Variants in ZNF217 observed in about 807,000 individuals in gnomAD.
The protein encoded by ZNF217 is zinc finger protein 217.
In ZNF217, 12 loss-of-function variants were observed where a neutral mutation model predicts 73.3. The ratio of observed to expected loss-of-function variants is 0.16; its 90% CI spans 0.10 to 0.27. The LOEUF (loss-of-function observed/expected upper bound fraction) is 0.27. Among genes scored for constraint, ZNF217 ranks in the 10% least tolerant of loss-of-function variants. The probability of loss-of-function intolerance (pLI) is 1.00; values close to 1 mark genes in which losing one functional copy is unlikely to be tolerated. For missense variants in ZNF217, 1,195 were observed against 1,327.8 expected (o/e 0.90, Z 1.55); for synonymous variants, 588 against 516.4 (o/e 1.14, Z -1.88).
At chr20:53,585,661 C>G (rs1337946648) in intron 1 of ZNF217, among the ~76,000 whole-genome samples, 3 of 152,114 alleles carry the variant, frequency 2.0e-5, no homozygotes, top group African/African-American at 7.2e-5. Context: ...TCTCAATTAT[C>G]TGGGTTAAAG....
intron 4 of ZNF217, chr20:53,575,438 A>C: frequency 3.4e-6 from 1 of 292,404 alleles, no homozygotes; most frequent in Non-Finnish European, 6.4e-6. Context: ...ACACCGCTGC[A>C]CTCCAATCTA....
intron 1 of ZNF217, among the ~76,000 whole-genome samples, chr20:53,592,543 C>T (rs949745248): frequency 6.8e-6 from 1 of 146,608 alleles, no homozygotes; most frequent in African/African-American, 2.5e-5. Context: ...AAGCGCCTTC[C>T]CGTCTTCGGT....
At position 53,577,297 on chromosome 20, in the gene ZNF217, C is replaced by T. The variant is rs771239656; in HGVS notation, c.1484-17G>A. 54 of 1,587,682 alleles carry T rather than the reference C, an allele frequency of 3.4e-5. No homozygotes were observed. Among genetic ancestry groups the T allele is most frequent in the Non-Finnish European group, 4.4e-5 (52 of 1,172,128 alleles). On this transcript the variant is annotated splice_polypyrimidine_tract_variant and intron_variant, in intron 3 of 5. Transcript: ENST00000371471. Reference sequence around the variant, plus strand: ...GTTTTTCACCTAAGGCAAGAAATGGCACTTTATTATAGAAGTGTATGAAAA... The same window carrying T: ...GTTTTTCACCTAAGGCAAGAAATGGTACTTTATTATAGAAGTGTATGAAAA...
Position 53,581,576 on chromosome 20 carries a change from C to T in ZNF217, c.1251G>A (p.Pro417=), listed in dbSNP as rs781317888. Residue 417 remains proline (P), a synonymous_variant, in exon 2 of 6, where the codon CCG becomes CCA. Transcript: ENST00000371471. This position sits in a 1 kb window ranked among gnomAD's most constrained non-coding sequence, Gnocchi z 4.9. ...CGGCGAGGTCAGGAGAACACGTCCC[C>T]GGCTGCCTCCCGTCCACAGACATGG... ...SPTMSVDGRQ[P]GTCSPDLAAP... 8 of 1,614,242 alleles carry T rather than the reference C, an allele frequency of 5.0e-6. No individual in the cohort carries two copies. The highest frequency in any genetic ancestry group is 2.2e-5 in the South Asian group (2 of 91,088).
At chr20:53,583,624 TTTCATATAC>T (rs1988591180) in intron 1 of ZNF217, among the ~76,000 whole-genome samples, 1 of 152,230 alleles carries the variant, frequency 6.6e-6, no homozygotes, top group African/African-American at 2.4e-5. Context: ...TTAAAATTTG[TTTCATATAC>T]AAACAAATCT....
upstream of ZNF217, among the ~76,000 whole-genome samples, chr20:53,596,129 A>T (rs1303783284): frequency 6.6e-6 from 1 of 152,104 alleles, no homozygotes; most frequent in Non-Finnish European, 1.5e-5. Context: ...GTTGCTACTG[A>T]ATTATTTTCT....
Position 53,576,836 on chromosome 20 carries a change from G to C in ZNF217, c.1928C>G (p.Thr643Ser), listed in dbSNP as rs760898329. 1.2e-6 allele frequency: 2 copies of C among 1,614,218 alleles called. No homozygotes were observed. The highest frequency in any genetic ancestry group is 2.2e-5 in the South Asian group (2 of 91,080). Residue 643 changes from threonine to serine, a missense_variant, in exon 4 of 6, where the codon ACC (threonine) becomes AGC (serine). Transcript: ENST00000371471. ...CGGAGGAGGAGTAACATCCGCCTTGGTTCTACAGATGAGGTTATTTGCCTG... is the reference window on the plus strand; with the variant it reads ...CGGAGGAGGAGTAACATCCGCCTTGCTTCTACAGATGAGGTTATTTGCCTG... ...ETQANNLICRTKADVTPPPDG... is the reference protein window; with the variant it reads ...ETQANNLICRSKADVTPPPDG...
rs1178870280 is a variant in ZNF217, at chr20:53,590,488, G to C, written c.-343+3268C>G. 3.9e-5 allele frequency among the ~76,000 whole-genome samples: 6 copies of C among 152,236 alleles called. No homozygotes were observed. In the East Asian group the frequency reaches 9.6e-4, roughly 24 times the overall value. On this transcript the variant is annotated intron_variant, in intron 1 of 5. Coordinates refer to ENST00000371471, the MANE Select transcript of ZNF217 (RefSeq NM_006526.3). ...GGGTCCAATCATTTACTTTCAAATA[G>C]AGTCAGCTAAAAGTAGCTCCTTTTT...
chr20:53,597,629 AC>A (rs1989064419), upstream of ZNF217: 1 of 151,068 alleles, frequency 6.6e-6, no homozygotes, highest in South Asian at 2.1e-4. Flanking sequence ...AGCAGAACTT[AC>A]CTTTCAGAAG....
In ZNF217 at chr20:53,577,013, T is replaced by G; in HGVS notation, c.1751A>C (p.Gln584Pro). Reference sequence around the variant, plus strand: ...GAGGACAGCGCTGCCCAGAACATTCTGAAAAACAGAAGGCATCTCCTTAAG... The same window carrying G: ...GAGGACAGCGCTGCCCAGAACATTCGGAAAAACAGAAGGCATCTCCTTAAG... The part of the protein sequence containing the change: ...KQLKEMPSVF[Q>P]NVLGSAVLSP... Residue 584 changes from glutamine to proline, a missense_variant, in exon 4 of 6, where the codon CAG becomes CCG. Transcript: ENST00000371471. The G allele has an allele frequency of 6.2e-7, 1 of 1,614,272 alleles. No homozygotes were observed. The highest frequency in any genetic ancestry group is 8.5e-7 in the Non-Finnish European group (1 of 1,180,044).
chr20:53,574,218 TC>T (rs1412890547), intron 4 of ZNF217: 1 of 152,154 alleles, frequency 6.6e-6, no homozygotes, highest in African/African-American at 2.4e-5. Context: ...CATCCATTTT[TC>T]CCCCAAATAT....
rs370879545 is a variant in ZNF217 at position 53,581,618 on chromosome 20, G to A, written c.1209C>T (p.Ala403=). The A allele has an allele frequency of 7.4e-5, 120 of 1,614,056 alleles. No homozygotes were observed. The highest frequency in any genetic ancestry group is 9.5e-5 in the Non-Finnish European group (112 of 1,180,032). The change falls in exon 2 of 6, where the codon GCC becomes GCT. Residue 403 remains alanine (A), a synonymous_variant. Coordinates refer to ENST00000371471, the MANE Select transcript of ZNF217 (RefSeq NM_006526.3). This position sits in a 1 kb window ranked among gnomAD's most constrained non-coding sequence, Gnocchi z 4.9. ...CAGACATGGTGGGCGACTCCGCGCCGGCCCTCCGGTCCTTCTTGTGGACCC... is the reference window on the plus strand; with the variant it reads ...CAGACATGGTGGGCGACTCCGCGCCAGCCCTCCGGTCCTTCTTGTGGACCC... ...HSRVHKKDRR[A]GAESPTMSVD...
At position 53,567,598 on chromosome 20, in the gene ZNF217, C is replaced by T. The variant is rs1298484625; in HGVS notation, c.*1690G>A. The T allele has an allele frequency of 6.6e-6, 1 of 152,508 alleles. No homozygotes were observed. The highest frequency in any genetic ancestry group is 1.5e-5 in the Non-Finnish European group (1 of 68,024). 9.4% of individuals were successfully genotyped at this position (152,508 alleles called of 1,614,324 possible). ...ATTAGGCAAAGATTGAGTCAATCAT[C>T]TTGCAAATGTGTTAATCTTCAAAAA... On this transcript the variant is annotated 3_prime_UTR_variant, in exon 6 of 6. Transcript: ENST00000371471.
At position 53,581,213 on chromosome 20, in the gene ZNF217, A is replaced by T. The variant is rs1010292802; in HGVS notation, c.1366+248T>A. Among the ~76,000 whole-genome samples the T allele has an allele frequency of 7.9e-5, 12 of 152,172 alleles. No individual in the cohort carries two copies. The highest frequency in any genetic ancestry group is 2.1e-4 in the South Asian group (1 of 4,816). On this transcript the variant is annotated intron_variant, in intron 2 of 5. Coordinates refer to ENST00000371471, the MANE Select transcript of ZNF217 (RefSeq NM_006526.3). The surrounding 1 kb of genome is among the most constrained non-coding windows in gnomAD (Gnocchi z 4.9). Reference sequence around the variant, plus strand: ...TGAGCAAAACGATACACGTTTAAAAAATATATATATATTTTCAGAACAAGG... The same window carrying T: ...TGAGCAAAACGATACACGTTTAAAATATATATATATATTTTCAGAACAAGG...
chr20:53,570,748 ACTTATCTTGGCAGATAAGTACTTG>A (rs1278879229), intron 5 of ZNF217, among the ~76,000 whole-genome samples: 2 of 127,348 alleles, frequency 1.6e-5, no homozygotes, highest in African/African-American at 5.1e-5. Context: ...GCAGATAAGT[ACTTATCTTGGCAGATAAGTACTTG>A]CCAAGTCTTT....
chr20:53,587,838 A>T (rs1276771949), intron 1 of ZNF217, among the ~76,000 whole-genome samples: 4 of 146,430 alleles, frequency 2.7e-5, no homozygotes, highest in Non-Finnish European at 4.5e-5. Flanking sequence ...AGTGGAGAAA[A>T]CTCTGCATAG....
At chr20:53,595,405 T>G (rs1219668944), upstream of ZNF217, among the ~76,000 whole-genome samples, 1 of 152,092 alleles carries the variant, frequency 6.6e-6, no homozygotes, top group African/African-American at 2.4e-5. Flanking sequence ...ATTTCCTAAA[T>G]CAAAAGAAAG....
At chr20:53,573,143 G>C (rs928475828) in intron 4 of ZNF217, among the ~76,000 whole-genome samples, 1 of 144,466 alleles carries the variant, frequency 6.9e-6, no homozygotes, top group Admixed American at 7.0e-5. Flanking sequence ...TTTTTTTTGA[G>C]ATGGAGTCTC....
chr20:53,580,512 G>A (rs1450264451), intron 2 of ZNF217, among the ~76,000 whole-genome samples: 1 of 152,200 alleles, frequency 6.6e-6, no homozygotes, highest in Non-Finnish European at 1.5e-5. Context: ...GATAGGAGAA[G>A]CTCTGGCTAC....
Sources: allele counts gnomAD v4.1 joint callset (sites outside exome capture counted in the v4.1 genomes callset), GRCh38; gene constraint gnomAD v4.1.1; non-coding constraint Gnocchi (gnomAD v3.1); transcripts MANE v1.5; gene names NCBI Gene and HGNC (gene_info 2026-07-23, HGNC 2026-07-21).